The following PLXNC1 variants were observed in gnomAD, a reference collection of about 807,000 sequenced individuals.
The protein encoded by PLXNC1 is plexin-C1.
In PLXNC1, 75 loss-of-function variants were observed where a neutral mutation model predicts 178.2. The observed-to-expected ratio is 0.42, with a 90% confidence interval of 0.35 to 0.51. The LOEUF (loss-of-function observed/expected upper bound fraction) is 0.51. Ranked by LOEUF, PLXNC1 falls within the 20% of genes least tolerant of loss-of-function variation. PLXNC1 has a pLI of 0.02. For missense variants in PLXNC1, 1,503 were observed against 1,984.4 expected (o/e 0.76, Z 4.61); for synonymous variants, 790 against 779.9 (o/e 1.01, Z -0.22).
intron 4 of PLXNC1, chr12:94,186,770 G>T (rs1592745345): frequency 1.0e-5 from 3 of 295,852 alleles, no homozygotes; most frequent in East Asian, 6.4e-5. Flanking sequence ...TCCAGAGTTC[G>T]CCAAGACTCA....
chr12:94,167,402 G>A (rs561429309), intron 1 of PLXNC1, among the ~76,000 whole-genome samples: 12 of 152,314 alleles, frequency 7.9e-5, no homozygotes, highest in African/African-American at 2.9e-4. Flanking sequence ...AGTGGTATTA[G>A]AACATTCTGG....
chr12:94,197,680 G>A (rs995609575), intron 4 of PLXNC1, among the ~76,000 whole-genome samples: 1 of 152,132 alleles, frequency 6.6e-6, no homozygotes, highest in African/African-American at 2.4e-5. Context: ...CACATTCCAG[G>A]GATTAGGACC....
intron 6 of PLXNC1, among the ~76,000 whole-genome samples, chr12:94,221,996 T>G (rs968521144): frequency 6.6e-6 from 1 of 152,194 alleles, no homozygotes; most frequent in African/African-American, 2.4e-5. Flanking sequence ...CAAAAGGCAA[T>G]TTAATGCACC....
chr12:94,175,559 C>T (rs1222169131), intron 2 of PLXNC1, among the ~76,000 whole-genome samples: 1 of 152,096 alleles, frequency 6.6e-6, no homozygotes, highest in East Asian at 1.9e-4. Flanking sequence ...AATCCCAAGG[C>T]TCGTTAATAG....
chr12:94,188,948 G>A (rs546820315), intron 4 of PLXNC1, among the ~76,000 whole-genome samples: 3 of 151,772 alleles, frequency 2.0e-5, no homozygotes, highest in South Asian at 4.2e-4. Flanking sequence ...TGAGGTGAGG[G>A]AGGAAGCACT....
At chr12:94,184,540 A>G (rs750932959) in intron 3 of PLXNC1, among the ~76,000 whole-genome samples, 4 of 152,064 alleles carry the variant, frequency 2.6e-5, no homozygotes, top group Non-Finnish European at 5.9e-5. Flanking sequence ...CTCCTGCCTC[A>G]GCCTCCTGAC....
At chr12:94,170,575 C>G (rs1446778032) in intron 2 of PLXNC1, among the ~76,000 whole-genome samples, 2 of 152,136 alleles carry the variant, frequency 1.3e-5, no homozygotes, top group Non-Finnish European at 2.9e-5. Flanking sequence ...TACTCATGAT[C>G]TATGTCATTC....
intron 8 of PLXNC1, among the ~76,000 whole-genome samples, 160 bp from the exon 9 acceptor site, chr12:94,226,989 C>T (rs1487796912): frequency 6.9e-6 from 1 of 145,282 alleles, no homozygotes; most frequent in Non-Finnish European, 1.5e-5. Flanking sequence ...CGCCACTGCA[C>T]TCCCAGCCTG....
chr12:94,178,360 A>G (rs1267508852), intron 2 of PLXNC1, among the ~76,000 whole-genome samples: 4 of 152,198 alleles, frequency 2.6e-5, no homozygotes, highest in African/African-American at 4.8e-5. Flanking sequence ...GTGCTGCCCA[A>G]TGATGCTTTT....
intron 4 of PLXNC1, among the ~76,000 whole-genome samples, chr12:94,195,995 C>G (rs546330468): frequency 6.6e-6 from 1 of 152,186 alleles, no homozygotes; most frequent in East Asian, 1.9e-4. Context: ...GGGTTCTTCT[C>G]CAAGTGACAC....
intron 10 of PLXNC1, among the ~76,000 whole-genome samples, chr12:94,239,165 A>G (rs1456837484): frequency 6.6e-6 from 1 of 152,232 alleles, no homozygotes; most frequent in East Asian, 1.9e-4. Flanking sequence ...GTCGCATTTC[A>G]GTAACCACAT....
At chr12:94,245,797 A>ATT in intron 12 of PLXNC1, among the ~76,000 whole-genome samples, 1 of 152,294 alleles carries the variant, frequency 6.6e-6, no homozygotes, top group South Asian at 2.1e-4. Flanking sequence ...TGGGTCTGGA[A>ATT]TGACCAAGAG....
intron 4 of PLXNC1, among the ~76,000 whole-genome samples, chr12:94,203,401 C>A (rs959272100): frequency 3.3e-5 from 5 of 152,132 alleles, no homozygotes; most frequent in African/African-American, 4.8e-5. Context: ...CTAGTGTTTC[C>A]CAAGCTTCTT....
At chr12:94,154,255 T>G (rs1961072886) in intron 1 of PLXNC1, among the ~76,000 whole-genome samples, 1 of 152,228 alleles carries the variant, frequency 6.6e-6, no homozygotes, top group South Asian at 2.1e-4. Context: ...CCAGAGAGCT[T>G]CTGTTAGGTT....
At chr12:94,243,883 C>G in intron 11 of PLXNC1, 55 bp from the exon 12 acceptor site, 1 of 814,060 alleles carries the variant, frequency 1.2e-6, no homozygotes, top group Non-Finnish European at 2.0e-6. Flanking sequence ...TTCATAAATG[C>G]AAAATGCCTG....
At chr12:94,252,006 CA>C (rs987548198) in intron 15 of PLXNC1, among the ~76,000 whole-genome samples, 1 of 151,920 alleles carries the variant, frequency 6.6e-6, no homozygotes, top group Non-Finnish European at 1.5e-5. Context: ...AACAAACAAA[CA>C]AAAAACAAAA....
At chr12:94,204,669 G>A (rs561897683) in intron 4 of PLXNC1, among the ~76,000 whole-genome samples, 66 of 152,320 alleles carry the variant, frequency 4.3e-4, no homozygotes, top group Non-Finnish European at 8.2e-4. Flanking sequence ...CTCATGGACT[G>A]GCAATTGTAA....
intron 9 of PLXNC1, among the ~76,000 whole-genome samples, chr12:94,235,963 G>T (rs376088506): frequency 6.6e-6 from 1 of 152,106 alleles, no homozygotes; most frequent in Non-Finnish European, 1.5e-5. Flanking sequence ...TCTCTTAGCT[G>T]TCACCACGTA....
intron 2 of PLXNC1, among the ~76,000 whole-genome samples, chr12:94,176,030 T>C (rs961909533): frequency 4.6e-5 from 7 of 152,210 alleles, no homozygotes; most frequent in African/African-American, 9.7e-5. Context: ...AAGGTTCAGA[T>C]TGACTTCAGA....
Sources: allele counts gnomAD v4.1 joint callset (sites outside exome capture counted in the v4.1 genomes callset), GRCh38; gene constraint gnomAD v4.1.1; transcripts MANE v1.5; gene names NCBI Gene and HGNC (gene_info 2026-07-23, HGNC 2026-07-21).